DNAAF9: variants seen among roughly 807,000 people sequenced by gnomAD.
The protein encoded by DNAAF9 is dynein axonemal assembly factor 9, also known as shulin.
In DNAAF9, 90 loss-of-function variants were observed where a neutral mutation model predicts 167.0. The ratio of observed to expected loss-of-function variants is 0.54; its 90% CI spans 0.45 to 0.64. The LOEUF is 0.64. DNAAF9 is among the 30% of genes least tolerant of loss of function. The probability of loss-of-function intolerance (pLI) is 0.00; values close to 1 mark genes in which losing one functional copy is unlikely to be tolerated. For missense variants in DNAAF9, 1,315 were observed against 1,442.2 expected (o/e 0.91, Z 1.43); for synonymous variants, 491 against 508.8 (o/e 0.96, Z 0.47).
intron 30 of DNAAF9, among the ~76,000 whole-genome samples, chr20:3,265,198 T>C (rs2068466457): frequency 6.6e-6 from 1 of 152,126 alleles, no homozygotes; most frequent in South Asian, 2.1e-4. Flanking sequence ...ACCACAAAGC[T>C]GGAGAAGCAT....
intron 27 of DNAAF9, 107 bp from the exon 28 acceptor site, chr20:3,281,873 A>C: frequency 2.6e-6 from 3 of 1,140,578 alleles, no homozygotes; most frequent in Non-Finnish European, 3.8e-6. Flanking sequence ...AGAAAACCAA[A>C]AGGAAGAGCC....
At chr20:3,341,809 G>A (rs1291019479) in intron 9 of DNAAF9, among the ~76,000 whole-genome samples, 1 of 152,018 alleles carries the variant, frequency 6.6e-6, no homozygotes, top group African/African-American at 2.4e-5. Context: ...ACGGAGTCTT[G>A]CTCTGTCGCC....
At chr20:3,252,968 G>A (rs2122716720) in intron 36 of DNAAF9, among the ~76,000 whole-genome samples, 1 of 152,310 alleles carries the variant, frequency 6.6e-6, no homozygotes, top group East Asian at 1.9e-4. Context: ...GGCTGTCTTC[G>A]ACTTGTAAAT....
intron 6 of DNAAF9, among the ~76,000 whole-genome samples, chr20:3,370,623 C>T (rs576590978): frequency 3.9e-5 from 6 of 152,048 alleles, no homozygotes; most frequent in East Asian, 1.9e-4. Flanking sequence ...TTGGCCAGGA[C>T]GGTCCCGATC....
chr20:3,256,181 T>C lies in DNAAF9; in HGVS notation c.3086A>G (p.Asn1029Ser). The change falls in exon 34 of 37, where the codon AAC becomes AGC. Residue 1029 changes from asparagine (N) to serine (S), a missense_variant. Around this residue, in one of 2 missense-constraint regions of DNAAF9, gnomAD observed 334 missense variants for 429.7 expected, o/e 0.78. Coordinates refer to ENST00000252032, the MANE Select transcript of DNAAF9 (RefSeq NM_001009984.3). Reference sequence around the variant, plus strand: ...GATGCTCAAGGAGTTGGCCAGTGTGTTGTAGCAGACCTCCATGGTCCTCTC... The same window carrying C: ...GATGCTCAAGGAGTTGGCCAGTGTGCTGTAGCAGACCTCCATGGTCCTCTC... ...DSERTMEVCY[N>S]TLANSLSIMP... 1 of 1,614,162 alleles carries C rather than the reference T, an allele frequency of 6.2e-7. No homozygotes were observed. Among genetic ancestry groups the C allele is most frequent in the Non-Finnish European group, 8.5e-7 (1 of 1,180,000 alleles).
chr20:3,301,001 T>C (rs1256353954), intron 21 of DNAAF9, among the ~76,000 whole-genome samples: 1 of 147,978 alleles, frequency 6.8e-6, no homozygotes, highest in Admixed American at 7.0e-5. Flanking sequence ...CAGCTAACAT[T>C]TAGTACTTTT....
chr20:3,397,723 G>C (rs1030590696), intron 1 of DNAAF9, among the ~76,000 whole-genome samples: 1 of 151,590 alleles, frequency 6.6e-6, no homozygotes, highest in African/African-American at 2.4e-5. Context: ...TTTTTTTGGG[G>C]GGGGGGAACA....
intron 6 of DNAAF9, chr20:3,361,844 G>T (rs563702457): frequency 1.0e-5 from 15 of 1,446,744 alleles, no homozygotes; most frequent in Non-Finnish European, 9.5e-6. Flanking sequence ...TCGAATGTTG[G>T]GGGGAAGGGG....
chr20:3,262,965 C>CTTTTT (rs796491974), intron 31 of DNAAF9, among the ~76,000 whole-genome samples: 10 of 81,286 alleles, frequency 1.2e-4, no homozygotes, highest in South Asian at 4.8e-4. Flanking sequence ...CATAGCAGAT[C>CTTTTT]TTTTTTTTTT....
rs192845893 is a variant in DNAAF9, at chr20:3,249,711, T to A, written c.*2861A>T. On this transcript the variant is annotated 3_prime_UTR_variant, in exon 37 of 37. Transcript: ENST00000252032. ...TAGATCAGCAACACGGCTGGAATACTTCGTAGTTTACAATCTTTGAATTGA... is the reference window on the plus strand; with the variant it reads ...TAGATCAGCAACACGGCTGGAATACATCGTAGTTTACAATCTTTGAATTGA... The A allele has an allele frequency of 3.3e-5, 5 of 152,290 alleles. No homozygotes were observed. The highest frequency in any genetic ancestry group is 4.8e-5 in the African/African-American group (2 of 41,560). The allele number at this position is 152,290 out of a possible 1,614,324, so 9.4% of individuals were successfully genotyped here.
chr20:3,391,956 C>T (rs1165427097), intron 1 of DNAAF9, among the ~76,000 whole-genome samples: 1 of 152,086 alleles, frequency 6.6e-6, no homozygotes, highest in East Asian at 1.9e-4. Context: ...CTCTGGGAGG[C>T]CAGGCATTCA....
intron 7 of DNAAF9, among the ~76,000 whole-genome samples, chr20:3,357,676 T>C (rs1041311693): frequency 5.9e-5 from 9 of 152,106 alleles, no homozygotes; most frequent in African/African-American, 2.2e-4. Context: ...ATTTATATCT[T>C]TATTACTTAA....
intron 16 of DNAAF9, among the ~76,000 whole-genome samples, chr20:3,319,262 C>CAAAAAAAAAA (rs57727958): frequency 1.2e-4 from 5 of 41,562 alleles, no homozygotes; most frequent in African/African-American, 2.7e-4. Context: ...GACCCCGTCT[C>CAAAAAAAAAA]AAAAAAAAAA....
chr20:3,373,286 G>A (rs2083533718), intron 6 of DNAAF9, among the ~76,000 whole-genome samples: 1 of 152,170 alleles, frequency 6.6e-6, no homozygotes, highest in African/African-American at 2.4e-5. Context: ...CTCCCTAATA[G>A]GATGTCCCCA....
intron 20 of DNAAF9, among the ~76,000 whole-genome samples, chr20:3,314,464 A>C (rs2069468428): frequency 6.6e-6 from 1 of 152,110 alleles, no homozygotes; most frequent in South Asian, 2.1e-4. Context: ...AGCTGAGAGG[A>C]TCCCTGTCTG....
chr20:3,373,947 T>C (rs2083542967), intron 6 of DNAAF9, 101 bp downstream of exon 6: 1 of 714,368 alleles, frequency 1.4e-6, no homozygotes, highest in African/African-American at 1.8e-5. Flanking sequence ...GTGAGGTAAC[T>C]GCCAGCTTTT....
chr20:3,396,325 C>T (rs1568649046), intron 1 of DNAAF9, among the ~76,000 whole-genome samples: 4 of 152,136 alleles, frequency 2.6e-5, no homozygotes. Flanking sequence ...TTCTCTCTTC[C>T]TTTTTTTATT....
chr20:3,380,857 AG>A (rs1419970059), intron 3 of DNAAF9, among the ~76,000 whole-genome samples: 1 of 152,210 alleles, frequency 6.6e-6, no homozygotes, highest in Non-Finnish European at 1.5e-5. Flanking sequence ...TGCTACGGAG[AG>A]GGGAATATAA....
At position 3,284,859 on chromosome 20, in the gene DNAAF9, T is replaced by TTG. The variant is rs58044740; in HGVS notation, c.2486+2771_2486+2772dup. Among the ~76,000 whole-genome samples, 1,362 of 152,078 alleles carry TTG rather than the reference T, an allele frequency of 9.0e-3. 20 individuals carry two copies. Among genetic ancestry groups the TTG allele is most frequent in the African/African-American group, 0.032 (1,306 of 41,436 alleles). Reference sequence around the variant, plus strand: ...CAGATTTTTCCAGTTTTACTTATATTTGTGTGTGTGTATGTGTGTGTGTGT... The same window carrying TTG: ...CAGATTTTTCCAGTTTTACTTATATTTGTGTGTGTGTGTATGTGTGTGTGTGT... On this transcript the variant is annotated intron_variant, in intron 27 of 36. Coordinates refer to ENST00000252032, the MANE Select transcript of DNAAF9 (RefSeq NM_001009984.3).
Sources: allele counts gnomAD v4.1 joint callset (sites outside exome capture counted in the v4.1 genomes callset), GRCh38; gene constraint gnomAD v4.1.1; regional missense constraint gnomAD v4.1.1; transcripts MANE v1.5; gene names NCBI Gene and HGNC (gene_info 2026-07-23, HGNC 2026-07-21).